The following AUTS2 variants were observed in gnomAD, a reference collection of about 807,000 sequenced individuals.
AUTS2 encodes the protein autism susceptibility gene 2 protein.
AUTS2 carries 17 observed loss-of-function variants against 112.4 expected under a neutral mutation model. That is an observed-to-expected ratio of 0.15 (90% confidence interval 0.10 to 0.23). AUTS2 has a LOEUF of 0.23. Among genes scored for constraint, AUTS2 ranks in the 10% least tolerant of loss-of-function variants. AUTS2 has a pLI of 1.00. For missense variants in AUTS2, 1,510 were observed against 1,701.6 expected (o/e 0.89, Z 1.98); for synonymous variants, 751 against 702.7 (o/e 1.07, Z -1.09).
chr7:70,060,738 C>T (rs563315901), intron 2 of AUTS2, among the ~76,000 whole-genome samples: 3 of 152,204 alleles, frequency 2.0e-5, no homozygotes, highest in Non-Finnish European at 4.4e-5. Flanking sequence ...TGACTCTATA[C>T]TCTGACCTCT....
chr7:70,222,548 A>G (rs1811540075), intron 4 of AUTS2, among the ~76,000 whole-genome samples: 1 of 152,124 alleles, frequency 6.6e-6, no homozygotes, highest in Non-Finnish European at 1.5e-5. Flanking sequence ...ACAAGTTGTT[A>G]GAAACTAAGG....
intron 5 of AUTS2, among the ~76,000 whole-genome samples, chr7:70,635,154 G>A (rs1381870466): frequency 6.6e-6 from 1 of 152,158 alleles, no homozygotes; most frequent in African/African-American, 2.4e-5. Context: ...CACGTTAGAG[G>A]TTGGCTTCTG....
chr7:70,029,008 A>C (rs1488443303), intron 2 of AUTS2, among the ~76,000 whole-genome samples: 1 of 152,148 alleles, frequency 6.6e-6, no homozygotes, highest in Admixed American at 6.6e-5. Context: ...GGGTACTTGT[A>C]AAGTGCCCTT....
intron 4 of AUTS2, among the ~76,000 whole-genome samples, chr7:70,193,612 A>G (rs1249072813): frequency 6.6e-6 from 1 of 152,226 alleles, no homozygotes; most frequent in Non-Finnish European, 1.5e-5. Flanking sequence ...GCCTTTTACA[A>G]GGATGATGAT....
chr7:70,792,400 CTG>C lies in AUTS2; in HGVS notation c.*1406_*1407del, dbSNP rs1792025200. On this transcript the variant is annotated 3_prime_UTR_variant, in exon 19 of 19. Transcript: ENST00000342771. ...AATACAATATATCTTGTCTACTGGA[CTG>C]TAAAATATATGTATGAAATAAAATT... 6.7e-6 allele frequency: 1 copy of C among 148,522 alleles called. No individual in the cohort carries two copies. The highest frequency in any genetic ancestry group is 2.1e-4 in the South Asian group (1 of 4,746). The allele number at this position is 148,522 out of a possible 1,614,324, so 9.2% of individuals were successfully genotyped here.
At chr7:70,246,450 T>C (rs888053832) in intron 4 of AUTS2, among the ~76,000 whole-genome samples, 5 of 152,144 alleles carry the variant, frequency 3.3e-5, no homozygotes, top group African/African-American at 1.2e-4. Context: ...TAATATATTT[T>C]AAAAGTTTCT....
intron 5 of AUTS2, among the ~76,000 whole-genome samples, chr7:70,649,500 T>TTTTATTTA (rs80256360): frequency 0.049 from 7,101 of 143,774 alleles, 232 homozygotes; most frequent in South Asian, 0.13. Flanking sequence ...TGGTGATTTA[T>TTTTATTTA]TTTATTTATT....
At chr7:70,503,496 C>T (rs1046966753) in intron 5 of AUTS2, among the ~76,000 whole-genome samples, 1 of 147,338 alleles carries the variant, frequency 6.8e-6, no homozygotes. Flanking sequence ...ATCCTGGGAA[C>T]AGAGCAAGAC....
intron 4 of AUTS2, among the ~76,000 whole-genome samples, chr7:70,275,215 G>A (rs1320161917): frequency 6.6e-6 from 1 of 152,134 alleles, no homozygotes; most frequent in Non-Finnish European, 1.5e-5. Flanking sequence ...TTATTACCTA[G>A]CCTTAAAAAG....
intron 1 of AUTS2, among the ~76,000 whole-genome samples, chr7:69,864,854 G>C (rs891731643): frequency 6.6e-5 from 10 of 152,134 alleles, no homozygotes; most frequent in Non-Finnish European, 1.3e-4. Flanking sequence ...TTCCTGGAAA[G>C]AGACAAGGCA....
chr7:69,855,576 A>G (rs183619173), intron 1 of AUTS2, among the ~76,000 whole-genome samples: 1 of 152,154 alleles, frequency 6.6e-6, no homozygotes, highest in Non-Finnish European at 1.5e-5. Flanking sequence ...TTCTCAACTC[A>G]AGAGAGTAGA....
intron 2 of AUTS2, among the ~76,000 whole-genome samples, chr7:69,962,714 A>ATGTG (rs528545629): frequency 6.7e-6 from 1 of 150,082 alleles, no homozygotes; most frequent in African/African-American, 2.4e-5. Context: ...ATGTATGTGT[A>ATGTG]TGTGTGTGTG....
At chr7:69,614,317 T>TTTCTTTCTTTCTTTCC (rs1793208763) in intron 1 of AUTS2, among the ~76,000 whole-genome samples, 1 of 49,798 alleles carries the variant, frequency 2.0e-5, no homozygotes, top group African/African-American at 6.4e-5. Flanking sequence ...TCTCCGTCTC[T>TTTCTTTCTTTCTTTCC]TTCTTTCTTT....
chr7:70,711,460 A>T (rs1300387716), intron 6 of AUTS2, among the ~76,000 whole-genome samples: 1 of 152,188 alleles, frequency 6.6e-6, no homozygotes, highest in East Asian at 1.9e-4. Context: ...CAGGCCAAAA[A>T]TACCTCCACA....
intron 1 of AUTS2, among the ~76,000 whole-genome samples, chr7:69,708,272 T>G (rs759803757): frequency 3.6e-4 from 54 of 151,720 alleles, no homozygotes; most frequent in Admixed American, 6.6e-5. Flanking sequence ...CTCTAAATTC[T>G]TTTTTCATGG....
intron 1 of AUTS2, among the ~76,000 whole-genome samples, chr7:69,786,976 A>G (rs147251429): frequency 5.6e-4 from 86 of 152,348 alleles, no homozygotes; most frequent in African/African-American, 1.9e-3. Flanking sequence ...AAACAAGCCT[A>G]TCAGTTGAGG....
intron 4 of AUTS2, among the ~76,000 whole-genome samples, chr7:70,269,064 A>G (rs1046278648): frequency 4.6e-5 from 7 of 152,166 alleles, no homozygotes; most frequent in Admixed American, 4.6e-4. Flanking sequence ...TTCTTCAATA[A>G]TGTTATATCA....
rs563272698 is a variant in AUTS2 at position 69,925,381 on chromosome 7, C to G, written c.522+25883C>G. On this transcript the variant is annotated intron_variant, in intron 2 of 18. Transcript: ENST00000342771. ...TCTCTTCTAATATAGCCTTTTGATG[C>G]TATAAATTTACCCCCAAATATTACT... is the stretch of plus-strand genomic sequence containing the variant. Among the ~76,000 whole-genome samples the G allele has an allele frequency of 9.5e-4, 144 of 152,216 alleles. 1 individual carries two copies. In the Middle Eastern group the frequency reaches 0.014, roughly 14 times the overall value.
chr7:70,395,214 A>G (rs545236451), intron 4 of AUTS2, among the ~76,000 whole-genome samples: 43 of 151,840 alleles, frequency 2.8e-4, no homozygotes, highest in African/African-American at 9.7e-4. Context: ...GATAATCACT[A>G]TTCTAGAACC....
Sources: allele counts gnomAD v4.1 joint callset (sites outside exome capture counted in the v4.1 genomes callset), GRCh38; gene constraint gnomAD v4.1.1; transcripts MANE v1.5; gene names NCBI Gene and HGNC (gene_info 2026-07-23, HGNC 2026-07-21).